POLA1: variants seen among roughly 807,000 people sequenced by gnomAD.
The protein encoded by POLA1 is DNA polymerase alpha 1, catalytic subunit.
A neutral mutation model predicts 124.0 loss-of-function variants in POLA1; 15 were observed. The observed-to-expected ratio is 0.12, with a 90% CI of 0.08 to 0.19. The LOEUF (loss-of-function observed/expected upper bound fraction) is 0.19, where lower values mean the gene tolerates loss of function less well. POLA1 is among the 10% of genes least tolerant of loss of function. The pLI, the probability that POLA1 is intolerant of heterozygous loss-of-function variation, is 1.00. For synonymous variants in POLA1, 408 were observed against 389.4 expected (o/e 1.05, Z -0.56); for missense variants, 886 against 1,103.4 (o/e 0.80, Z 2.79).
At chrX:24,878,632 A>G (rs774578845) in intron 34 of POLA1, among the ~76,000 whole-genome samples, 2 of 111,089 alleles carry the variant, frequency 1.8e-5, no homozygotes, top group South Asian at 3.9e-4. Flanking sequence ...GGCTTAATTT[A>G]ACAAATGATA....
At chrX:24,758,705 A>G (rs1317091686) in intron 26 of POLA1, among the ~76,000 whole-genome samples, 1 of 111,282 alleles carries the variant, frequency 9.0e-6, no homozygotes, top group East Asian at 2.8e-4. Context: ...TGTTTTTGAG[A>G]CGGAGTCTCG....
chrX:24,732,583 G>C (rs1174713014), intron 16 of POLA1, 129 bp downstream of exon 16: 2 of 308,081 alleles, frequency 6.5e-6, no homozygotes, highest in Non-Finnish European at 1.1e-5. Flanking sequence ...TGTTAAAGAG[G>C]GTTTTGTTTT....
In POLA1 at chrX:24,810,774, G is replaced by A; in HGVS notation, c.3064G>A (p.Glu1022Lys). 9.3e-7 allele frequency: 1 copy of A among 1,074,140 alleles called. No individual in the cohort carries two copies. The highest frequency in any genetic ancestry group is 1.3e-6 in the Non-Finnish European group (1 of 777,557). 88.5% of individuals were successfully genotyped at this position (1,074,140 alleles called of 1,213,427 possible). ...GATAAACACCAATAGCACCAATCTG[G>A]AAGAAGTATTTAAGTTGGGAAACAA... ...IMINTNSTNL[E>K]EVFKLGNKVK... The change falls in exon 28 of 37, where the codon GAA becomes AAA. Residue 1022 changes from glutamate (E) to lysine (K), a missense_variant. Glu to Lys is a moderately conservative substitution (Grantham distance 56). This residue lies in a region of POLA1 where 313 missense variants were observed against 359.7 expected (regional missense o/e 0.87). Transcript: ENST00000379068.
chrX:24,950,796 C>G (rs979736442), intron 36 of POLA1, among the ~76,000 whole-genome samples: 8 of 111,819 alleles, frequency 7.2e-5, no homozygotes, highest in African/African-American at 2.6e-4. Context: ...AAGACCATCT[C>G]CTTCCCTGGT....
intron 34 of POLA1, among the ~76,000 whole-genome samples, chrX:24,850,512 C>T (rs1302753560): frequency 3.6e-5 from 4 of 112,009 alleles, no homozygotes; most frequent in Non-Finnish European, 7.5e-5. Flanking sequence ...TCAGAAGACC[C>T]CTTTCTCTTT....
At chrX:24,801,920 G>GTGTGTGTGTGTGTGT (rs1569317038) in intron 26 of POLA1, among the ~76,000 whole-genome samples, 29 of 47,516 alleles carry the variant, frequency 6.1e-4, no homozygotes, top group African/African-American at 3.0e-3. Context: ...AGGAGAGGTG[G>GTGTGTGTGTGTGTGT]GTGGGTGTGT....
chrX:24,793,906 G>A (rs751492112), intron 26 of POLA1, among the ~76,000 whole-genome samples: 2 of 110,617 alleles, frequency 1.8e-5, no homozygotes, highest in Admixed American at 9.6e-5. Context: ...CTTGATTGTG[G>A]GTGGATGGAC....
At chrX:24,947,687 G>C (rs2047984541) in intron 36 of POLA1, among the ~76,000 whole-genome samples, 1 of 111,943 alleles carries the variant, frequency 8.9e-6, no homozygotes, top group Non-Finnish European at 1.9e-5. Flanking sequence ...GAAAGCTCTC[G>C]TGAAGGTGGG....
At chrX:24,716,326 A>G (rs759742771) in intron 6 of POLA1, 36 bp from the exon 7 acceptor site, 1 of 729,033 alleles carries the variant, frequency 1.4e-6, no homozygotes, top group African/African-American at 2.1e-5. Context: ...TGGTAAACCA[A>G]GCATGGCAGT....
chrX:24,904,800 G>C (rs778108915), intron 35 of POLA1, among the ~76,000 whole-genome samples: 1 of 111,327 alleles, frequency 9.0e-6, no homozygotes, highest in Non-Finnish European at 1.9e-5. Flanking sequence ...CAAGGCAGGA[G>C]GATCACTCGA....
intron 35 of POLA1, among the ~76,000 whole-genome samples, chrX:24,888,963 A>C (rs2047105988): frequency 9.1e-6 from 1 of 109,534 alleles, no homozygotes; most frequent in Non-Finnish European, 1.9e-5. Context: ...TCCGCTTCCC[A>C]TGTTCAAGCG....
At chrX:24,974,367 TAGTA>T (rs2048340547) in intron 36 of POLA1, among the ~76,000 whole-genome samples, 1 of 111,359 alleles carries the variant, frequency 9.0e-6, no homozygotes, top group African/African-American at 3.3e-5. Context: ...CACCAAATGT[TAGTA>T]GGTTAAGATA....
intron 18 of POLA1, among the ~76,000 whole-genome samples, chrX:24,736,055 C>A (rs1931253963): frequency 9.0e-6 from 1 of 111,016 alleles, no homozygotes; most frequent in Admixed American, 9.6e-5. Context: ...TATCCTCTGG[C>A]CTTTCTAGTT....
intron 34 of POLA1, among the ~76,000 whole-genome samples, chrX:24,879,628 C>T (rs946076684): frequency 3.6e-5 from 4 of 111,566 alleles, no homozygotes; most frequent in Non-Finnish European, 7.5e-5. Context: ...ATTCCTGAAG[C>T]AAGGTACTGT....
chrX:24,779,739 C>G (rs1163820450), intron 26 of POLA1, among the ~76,000 whole-genome samples: 1 of 111,654 alleles, frequency 9.0e-6, no homozygotes, highest in Non-Finnish European at 1.9e-5. Context: ...CTCCTCAGAA[C>G]AAGCCTATGA....
At chrX:24,979,628 C>G (rs187382444) in intron 36 of POLA1, among the ~76,000 whole-genome samples, 88 of 112,302 alleles carry the variant, frequency 7.8e-4, no homozygotes, top group African/African-American at 2.8e-3. Context: ...AAGGGTTCTA[C>G]TGTCCACTTT....
intron 36 of POLA1, among the ~76,000 whole-genome samples, chrX:24,969,123 G>C (rs1193358089): frequency 9.1e-6 from 1 of 109,969 alleles, no homozygotes; most frequent in African/African-American, 3.3e-5. Context: ...CAGGAGAATT[G>C]CTTGAACCTG....
At chrX:24,780,717 G>T (rs987452765) in intron 26 of POLA1, among the ~76,000 whole-genome samples, 1 of 111,997 alleles carries the variant, frequency 8.9e-6, no homozygotes, top group Non-Finnish European at 1.9e-5. Flanking sequence ...TTACTAAAAC[G>T]TTTAGAATTT....
At chrX:24,725,343 C>T (rs112095619) in intron 12 of POLA1, among the ~76,000 whole-genome samples, 104 of 109,288 alleles carry the variant, frequency 9.5e-4, no homozygotes, top group African/African-American at 3.3e-3. Flanking sequence ...TACAGGCACC[C>T]GCCACAATGC....
Sources: gnomAD v4.1 joint callset for allele counts (sites outside exome capture counted in the v4.1 genomes callset) on GRCh38, gnomAD v4.1.1 for gene constraint, gnomAD v4.1.1 regional missense constraint, MANE v1.5 for transcripts, NCBI Gene and HGNC (gene_info 2026-07-23, HGNC 2026-07-21) for gene names.